RBMS3: variants seen among roughly 807,000 people sequenced by gnomAD.
RBMS3 encodes the protein RNA-binding motif, single-stranded-interacting protein 3.
In RBMS3, 27 loss-of-function variants were observed where a neutral mutation model predicts 66.8. The ratio of observed to expected loss-of-function variants is 0.40; its 90% CI spans 0.30 to 0.56. The LOEUF is 0.56. RBMS3 is among the 20% of genes least tolerant of loss of function. The pLI, the probability that RBMS3 is intolerant of heterozygous loss-of-function variation, is 0.40. For missense variants in RBMS3, 513 were observed against 549.5 expected, an observed-to-expected ratio of 0.93 and a Z score of 0.66; for synonymous variants, 188 against 183.0, an observed-to-expected ratio of 1.03 and a Z score of -0.22.
intron 11 of RBMS3, among the ~76,000 whole-genome samples, chr3:29,942,133 C>T (rs1033704899): frequency 6.6e-6 from 1 of 151,692 alleles, no homozygotes; most frequent in African/African-American, 2.4e-5. Flanking sequence ...ATTAAATATG[C>T]CATAATCCAT....
intron 10 of RBMS3, among the ~76,000 whole-genome samples, chr3:29,922,366 A>T (rs1021584213): frequency 6.6e-6 from 1 of 151,698 alleles, no homozygotes; most frequent in Non-Finnish European, 1.5e-5. Context: ...GGGCGCCTGT[A>T]GTCCCAGCTA....
intron 14 of RBMS3, among the ~76,000 whole-genome samples, chr3:30,001,766 AT>A (rs869066786): frequency 6.8e-6 from 1 of 146,596 alleles, no homozygotes; most frequent in Non-Finnish European, 1.5e-5. Flanking sequence ...TTTTCAAGTT[AT>A]TTCTTTTTAT....
In RBMS3 at chr3:29,492,393, TAGG is replaced by T. The variant is rs201961781; in HGVS notation, c.307+3897_307+3899del. On this transcript the variant is annotated intron_variant, in intron 3 of 14. Coordinates refer to ENST00000383767, the MANE Select transcript of RBMS3 (RefSeq NM_001003793.3). ...TTGTTCATGATGACCAAGGGAATAA[TAGG>T]AGAAAGATATGAGGTCATGGAAAGG... 6.6e-3 allele frequency among the ~76,000 whole-genome samples: 1,002 copies of T among 152,224 alleles called. 24 individuals are homozygous for T. The highest frequency in any genetic ancestry group is 0.054 in the Admixed American group (819 of 15,290).
chr3:29,975,061 T>C lies in RBMS3; in HGVS notation c.1099-13082T>C, dbSNP rs190277648. ...TTATATATTTTATATATAAAATATG[T>C]TTCTATATATATTTTATATATAAAA... On this transcript the variant is annotated intron_variant, in intron 12 of 14. Transcript: ENST00000383767. Among the ~76,000 whole-genome samples the C allele has an allele frequency of 4.8e-3, 619 of 129,484 alleles. 77 individuals are homozygous for C. The highest frequency in any genetic ancestry group is 0.019 in the African/African-American group (598 of 30,702). The allele number at this position is 129,484 out of a possible 152,430, so 84.9% of individuals were successfully genotyped here. A position where few individuals can be genotyped will look rare whatever the true frequency, so the allele number is the denominator to read the frequency against.
chr3:29,688,563 GATTTTTTTTT>G (rs1203703610), intron 4 of RBMS3, among the ~76,000 whole-genome samples: 3 of 109,776 alleles, frequency 2.7e-5, no homozygotes, highest in African/African-American at 1.1e-4. Flanking sequence ...AAAGTTACAG[GATTTTTTTTT>G]TTTTTTTTTT....
At chr3:29,588,181 C>T (rs566899052) in intron 4 of RBMS3, among the ~76,000 whole-genome samples, 8 of 151,988 alleles carry the variant, frequency 5.3e-5, no homozygotes, top group Non-Finnish European at 1.0e-4. Flanking sequence ...TAGATGTCTG[C>T]TTTAAAATGA....
At chr3:29,954,980 C>A (rs1695932743) in intron 12 of RBMS3, among the ~76,000 whole-genome samples, 1 of 152,020 alleles carries the variant, frequency 6.6e-6, no homozygotes, top group South Asian at 2.1e-4. Flanking sequence ...GGATACAGAT[C>A]AGATTTCTGA....
intron 4 of RBMS3, among the ~76,000 whole-genome samples, chr3:29,722,702 G>A (rs987020502): frequency 2.0e-5 from 3 of 152,078 alleles, no homozygotes; most frequent in Non-Finnish European, 2.9e-5. Flanking sequence ...ATTATGTAGA[G>A]CATCCCTACC....
At chr3:29,427,209 T>C (rs889059585) in intron 1 of RBMS3, among the ~76,000 whole-genome samples, 12 of 152,240 alleles carry the variant, frequency 7.9e-5, no homozygotes, top group African/African-American at 2.9e-4. Context: ...AAAGACATAA[T>C]TGAAACAATT....
At chr3:29,649,352 T>G (rs1439602911) in intron 4 of RBMS3, among the ~76,000 whole-genome samples, 1 of 152,222 alleles carries the variant, frequency 6.6e-6, no homozygotes, top group Non-Finnish European at 1.5e-5. Context: ...AAATGTCACG[T>G]GAATTTATCA....
intron 4 of RBMS3, among the ~76,000 whole-genome samples, chr3:29,672,342 G>T (rs934488790): frequency 1.3e-5 from 2 of 152,168 alleles, no homozygotes; most frequent in Non-Finnish European, 2.9e-5. Flanking sequence ...ATGCCAAATT[G>T]TAAAGACCAT....
intron 3 of RBMS3, among the ~76,000 whole-genome samples, chr3:29,541,504 A>T (rs1207616409): frequency 6.6e-6 from 1 of 151,502 alleles, no homozygotes; most frequent in Non-Finnish European, 1.5e-5. Flanking sequence ...ATTTCAAAAT[A>T]CAAGCTGAAT....
intron 6 of RBMS3, among the ~76,000 whole-genome samples, chr3:29,836,288 A>T (rs141292668): frequency 8.5e-5 from 13 of 152,228 alleles, no homozygotes; most frequent in African/African-American, 3.1e-4. Flanking sequence ...ACTCTAATAA[A>T]GCCAGACAAG....
At chr3:29,568,135 G>A (rs1020536201) in intron 3 of RBMS3, among the ~76,000 whole-genome samples, 1 of 152,030 alleles carries the variant, frequency 6.6e-6, no homozygotes, top group African/African-American at 2.4e-5. Context: ...CTTCACATTG[G>A]TTACCTGCTT....
At chr3:29,731,605 TCTGGAGCGC>T (rs778952090) in intron 4 of RBMS3, among the ~76,000 whole-genome samples, 1 of 152,198 alleles carries the variant, frequency 6.6e-6, no homozygotes, top group Non-Finnish European at 1.5e-5. Flanking sequence ...GATGTTTGCT[TCTGGAGCGC>T]CTGTCTTGAG....
At position 29,728,315 on chromosome 3, in the gene RBMS3, T is replaced by A. The variant is rs558149880; in HGVS notation, c.400-11405T>A. Among the ~76,000 whole-genome samples the A allele has an allele frequency of 9.8e-5, 15 of 152,330 alleles. No homozygotes were observed. The East Asian group carries it at 2.9e-3, about 29-fold the overall frequency. ...GTGCAGCAAGCCACCATGGCTCATGTATACCTATGTAACAAACCTGCACGT... is the reference window on the plus strand; with the variant it reads ...GTGCAGCAAGCCACCATGGCTCATGAATACCTATGTAACAAACCTGCACGT... On this transcript the variant is annotated intron_variant, in intron 4 of 14. Transcript: ENST00000383767.
intron 2 of RBMS3, among the ~76,000 whole-genome samples, chr3:29,486,498 T>G (rs576275847): frequency 7.1e-4 from 108 of 152,282 alleles, no homozygotes; most frequent in Admixed American, 1.2e-3. Flanking sequence ...TTTTGGACTC[T>G]GTGTGTGATT....
chr3:29,553,923 A>C (rs931260162), intron 3 of RBMS3, among the ~76,000 whole-genome samples: 3 of 151,996 alleles, frequency 2.0e-5, no homozygotes, highest in African/African-American at 7.3e-5. Flanking sequence ...ACAATCTCTG[A>C]ATTTGTGAGT....
At chr3:29,591,660 C>T (rs904245584) in intron 4 of RBMS3, among the ~76,000 whole-genome samples, 1 of 152,186 alleles carries the variant, frequency 6.6e-6, no homozygotes, top group Non-Finnish European at 1.5e-5. Context: ...TTTAGAAACA[C>T]TAGAATGGGT....
Sources: allele counts gnomAD v4.1 joint callset (sites outside exome capture counted in the v4.1 genomes callset), GRCh38; gene constraint gnomAD v4.1.1; transcripts MANE v1.5; gene names NCBI Gene and HGNC (gene_info 2026-07-23, HGNC 2026-07-21).